The following NECAB2 variants were observed in gnomAD, a reference collection of about 807,000 sequenced individuals.
NECAB2 encodes the protein N-terminal EF-hand calcium-binding protein 2.
A neutral mutation model predicts 51.9 loss-of-function variants in NECAB2; 68 were observed. The ratio of observed to expected loss-of-function variants is 1.31; its 90% CI spans 1.08 to 1.60. NECAB2 has a LOEUF of 1.60. Ranked by LOEUF, NECAB2 falls within the 40% of genes most tolerant of loss-of-function variation. NECAB2 has a pLI of 0.00. For synonymous variants in NECAB2, 329 were observed against 203.5 expected, an observed-to-expected ratio of 1.62 and a Z score of -5.25; for missense variants, 854 against 490.3, an observed-to-expected ratio of 1.74 and a Z score of -7.00.
At chr16:83,980,796 C>G (rs1185055885) in intron 3 of NECAB2, 43 bp from the exon 4 acceptor site, 1 of 1,555,792 alleles carries the variant, frequency 6.4e-7, no homozygotes, top group East Asian at 2.4e-5. Context: ...CTGCTAACCC[C>G]CTCTCTGTCT....
At chr16:83,978,406 G>A in intron 2 of NECAB2, 38 bp from the exon 3 acceptor site, 1 of 1,577,564 alleles carries the variant, frequency 6.3e-7, no homozygotes, top group Non-Finnish European at 8.7e-7. Context: ...CCTTATCTCT[G>A]CAGACACCAG....
upstream of NECAB2, chr16:83,966,004 C>G: frequency 6.4e-7 from 1 of 1,557,134 alleles, no homozygotes; most frequent in Non-Finnish European, 8.7e-7. Flanking sequence ...GGAAGCCACC[C>G]TAACACTCGG....
At chr16:83,970,022 C>T (rs536750967) in intron 1 of NECAB2, among the ~76,000 whole-genome samples, 1 of 152,216 alleles carries the variant, frequency 6.6e-6, no homozygotes, top group Non-Finnish European at 1.5e-5. Context: ...TACGCACGCA[C>T]ACACAGCCAG....
chr16:83,987,361 C>G (rs1007158158), intron 5 of NECAB2, among the ~76,000 whole-genome samples: 5 of 152,114 alleles, frequency 3.3e-5, no homozygotes, highest in African/African-American at 1.2e-4. Context: ...CTTTGTGTTT[C>G]TAATGGTTTT....
At chr16:84,000,161 C>G (rs887713489) in intron 10 of NECAB2, among the ~76,000 whole-genome samples, 1 of 152,158 alleles carries the variant, frequency 6.6e-6, no homozygotes, top group African/African-American at 2.4e-5. Context: ...CAAGACTTCC[C>G]AAAGTTCTGC....
intron 5 of NECAB2, among the ~76,000 whole-genome samples, chr16:83,981,471 G>A (rs780769379): frequency 1.3e-5 from 2 of 151,874 alleles, no homozygotes; most frequent in African/African-American, 2.4e-5. Context: ...AGAGGGGGCG[G>A]GGTGGGGCGT....
intron 5 of NECAB2, among the ~76,000 whole-genome samples, chr16:83,984,304 T>A (rs919681968): frequency 2.6e-5 from 4 of 151,942 alleles, no homozygotes; most frequent in African/African-American, 9.7e-5. Flanking sequence ...GGAATATTTT[T>A]AAACAAAACT....
upstream of NECAB2, chr16:83,965,946 AG>A: frequency 1.2e-6 from 2 of 1,611,296 alleles, no homozygotes; most frequent in South Asian, 1.1e-5. Context: ...AGGTTTGTGC[AG>A]GGGGGCGCCT....
At chr16:83,989,521 G>A (rs1196825466) in intron 5 of NECAB2, among the ~76,000 whole-genome samples, 1 of 152,176 alleles carries the variant, frequency 6.6e-6, no homozygotes, top group East Asian at 1.9e-4. Context: ...CCTTGCCAGG[G>A]ACTGGGCAGA....
chr16:83,988,306 T>G (rs867535328), intron 5 of NECAB2, among the ~76,000 whole-genome samples: 1 of 152,244 alleles, frequency 6.6e-6, no homozygotes, highest in African/African-American at 2.4e-5. Flanking sequence ...CCTGTTTATA[T>G]CATGGATTAT....
In NECAB2 at chr16:83,978,327, A is replaced by C. The variant is rs545008526; in HGVS notation, c.227-117A>C. On this transcript the variant is annotated intron_variant, in intron 2 of 12. Coordinates refer to ENST00000305202, the MANE Select transcript of NECAB2 (RefSeq NM_019065.3). Reference sequence around the variant, plus strand: ...TAGCTGGGAGGGTAGGGATTATCTGAGCTGCAGTTGTTCTGTCAGTCAGGC... The same window carrying C: ...TAGCTGGGAGGGTAGGGATTATCTGCGCTGCAGTTGTTCTGTCAGTCAGGC... 9 of 742,338 alleles carry C rather than the reference A, an allele frequency of 1.2e-5. No individual in the cohort carries two copies. The African/African-American group carries it at 1.6e-4, about 13-fold the overall frequency. 46.0% of individuals were successfully genotyped at this position (742,338 alleles called of 1,614,324 possible).
intron 5 of NECAB2, among the ~76,000 whole-genome samples, chr16:83,981,645 A>C (rs1305108961): frequency 6.6e-6 from 1 of 152,126 alleles, no homozygotes; most frequent in Non-Finnish European, 1.5e-5. Context: ...CAACAGAGTC[A>C]CAGCCAGACA....
At chr16:83,974,677 G>A (rs1190674501) in intron 2 of NECAB2, among the ~76,000 whole-genome samples, 6 of 152,170 alleles carry the variant, frequency 3.9e-5, no homozygotes, top group Admixed American at 2.6e-4. Flanking sequence ...TCACATGGTC[G>A]GGGGGCAGCG....
chr16:83,975,445 C>T (rs147792229), intron 2 of NECAB2, among the ~76,000 whole-genome samples: 1 of 152,100 alleles, frequency 6.6e-6, no homozygotes, highest in Non-Finnish European at 1.5e-5. Flanking sequence ...CTAGCCCTGC[C>T]TCACGTGTCC....
intron 7 of NECAB2, 27 bp from the exon 8 acceptor site, chr16:83,994,582 G>C (rs1264583774): frequency 2.5e-6 from 4 of 1,613,796 alleles, no homozygotes; most frequent in Non-Finnish European, 2.5e-6. Context: ...CACCACTGAA[G>C]TCTGTGTGTC....
intron 5 of NECAB2, among the ~76,000 whole-genome samples, chr16:83,987,424 A>G (rs983886007): frequency 6.6e-6 from 1 of 152,146 alleles, no homozygotes; most frequent in African/African-American, 2.4e-5. Flanking sequence ...TTGTTACAGT[A>G]CTTCTGTTAT....
At chr16:83,991,993 T>C (rs1167409078) in intron 6 of NECAB2, among the ~76,000 whole-genome samples, 2 of 152,162 alleles carry the variant, frequency 1.3e-5, no homozygotes, top group East Asian at 1.9e-4. Flanking sequence ...GGAAATGGCA[T>C]ATGGTTATAA....
intron 11 of NECAB2, among the ~76,000 whole-genome samples, chr16:84,001,572 G>C (rs983155606): frequency 6.6e-6 from 1 of 152,126 alleles, no homozygotes; most frequent in African/African-American, 2.4e-5. Flanking sequence ...GGGGGAGGTA[G>C]AGGCTCTGTG....
At position 83,980,803 on chromosome 16, in the gene NECAB2, G is replaced by C. The variant is rs199784976; in HGVS notation, c.336-36G>C. On this transcript the variant is annotated intron_variant, in intron 3 of 12. Coordinates refer to ENST00000305202, the MANE Select transcript of NECAB2 (RefSeq NM_019065.3). Reference sequence around the variant, plus strand: ...GGTCAGGCCTGCTAACCCCCTCTCTGTCTCTGTCTGTCTCTGCCTCTGTCT... The same window carrying C: ...GGTCAGGCCTGCTAACCCCCTCTCTCTCTCTGTCTGTCTCTGCCTCTGTCT... The C allele has an allele frequency of 7.1e-6, 11 of 1,558,344 alleles. No homozygotes were observed. The African/African-American group carries it at 9.5e-5, about 14-fold the overall frequency.
Sources: gnomAD v4.1 joint callset for allele counts (sites outside exome capture counted in the v4.1 genomes callset) on GRCh38, gnomAD v4.1.1 for gene constraint, MANE v1.5 for transcripts, NCBI Gene and HGNC (gene_info 2026-07-23, HGNC 2026-07-21) for gene names.